The following L3MBTL4 variants were observed in gnomAD, a reference collection of about 807,000 sequenced individuals.
L3MBTL4 encodes lethal(3)malignant brain tumor-like protein 4.
Under a neutral mutation model 84.5 loss-of-function variants are expected in L3MBTL4, and 70 were observed. The ratio of observed to expected loss-of-function variants is 0.83; its 90% CI spans 0.68 to 1.01. L3MBTL4 has a LOEUF of 1.01. Among genes scored for constraint, L3MBTL4 ranks in the 50% least tolerant of loss-of-function variants. The pLI is 0.00. For missense variants in L3MBTL4, 715 were observed against 754.8 expected, an observed-to-expected ratio of 0.95 and a Z score of 0.62; for synonymous variants, 274 against 259.8, an observed-to-expected ratio of 1.05 and a Z score of -0.52.
chr18:6,206,718 A>T (rs8084824), intron 12 of L3MBTL4, among the ~76,000 whole-genome samples: 9,588 of 152,198 alleles, frequency 0.063, 1,019 homozygotes, highest in African/African-American at 0.22. Context: ...ACCAAATAAA[A>T]AGAGGGTTAT....
chr18:6,151,244 G>T (rs1163425350), intron 13 of L3MBTL4, among the ~76,000 whole-genome samples: 2 of 152,118 alleles, frequency 1.3e-5, no homozygotes, highest in Non-Finnish European at 2.9e-5. Context: ...CAAAATAAAG[G>T]TTTATGTGGT....
chr18:6,248,504 A>G (rs573930942), intron 5 of L3MBTL4, among the ~76,000 whole-genome samples: 2 of 152,342 alleles, frequency 1.3e-5, no homozygotes, highest in East Asian at 3.9e-4. Context: ...AAAATTAGCA[A>G]AAGTTACTCA....
chr18:6,174,099 G>A (rs1178368790), intron 12 of L3MBTL4, among the ~76,000 whole-genome samples: 2 of 149,826 alleles, frequency 1.3e-5, no homozygotes, highest in Admixed American at 1.3e-4. Flanking sequence ...TTAGCCAGAT[G>A]AAGAATTACC....
chr18:5,964,282 G>A (rs1392589062), intron 17 of L3MBTL4, among the ~76,000 whole-genome samples: 1 of 152,242 alleles, frequency 6.6e-6, no homozygotes, highest in Non-Finnish European at 1.5e-5. Context: ...AGCCCATCCT[G>A]CCAGCCGACC....
chr18:6,216,784 T>C (rs2046345170), intron 10 of L3MBTL4, among the ~76,000 whole-genome samples: 1 of 152,172 alleles, frequency 6.6e-6, no homozygotes, highest in African/African-American at 2.4e-5. Flanking sequence ...TCCTTAAATA[T>C]TTATTTGAGA....
intron 10 of L3MBTL4, among the ~76,000 whole-genome samples, chr18:6,225,768 A>G (rs1335485811): frequency 6.6e-6 from 1 of 151,862 alleles, no homozygotes; most frequent in Non-Finnish European, 1.5e-5. Flanking sequence ...TAAGGGGAAC[A>G]TAGGAACTAC....
At chr18:6,121,724 G>A (rs1178295997) in intron 14 of L3MBTL4, among the ~76,000 whole-genome samples, 2 of 146,882 alleles carry the variant, frequency 1.4e-5, no homozygotes, top group East Asian at 2.1e-4. Flanking sequence ...GTGTGTATGT[G>A]TGTGTGCATG....
chr18:6,154,267 A>G (rs7242764), intron 13 of L3MBTL4, among the ~76,000 whole-genome samples: 2,006 of 152,300 alleles, frequency 0.013, 44 homozygotes, highest in African/African-American at 0.045. Context: ...CAAAATTTTT[A>G]TATGTTTATG....
intron 7 of L3MBTL4, 121 bp downstream of exon 7, chr18:6,243,173 A>G (rs2047521157): frequency 3.5e-6 from 3 of 856,444 alleles, no homozygotes; most frequent in East Asian, 2.9e-5. Context: ...ATGGAACACA[A>G]TTTCATTTTG....
intron 16 of L3MBTL4, among the ~76,000 whole-genome samples, chr18:5,990,065 C>T (rs2053623398): frequency 1.3e-5 from 2 of 152,178 alleles, no homozygotes; most frequent in East Asian, 1.9e-4. Flanking sequence ...AGGCTCAAAA[C>T]GAGGCCTCTG....
At chr18:6,324,072 T>C (rs1432149685) in intron 1 of L3MBTL4, among the ~76,000 whole-genome samples, 1 of 152,002 alleles carries the variant, frequency 6.6e-6, no homozygotes, top group Non-Finnish European at 1.5e-5. Context: ...CATATACAGC[T>C]TGTGCCACTA....
At chr18:5,968,586 A>T (rs2144779645) in intron 17 of L3MBTL4, among the ~76,000 whole-genome samples, 1 of 152,144 alleles carries the variant, frequency 6.6e-6, no homozygotes, top group South Asian at 2.1e-4. Flanking sequence ...AGTCCTAGCT[A>T]CTCAGGAGGT....
At chr18:6,062,366 G>A (rs1220365159) in intron 16 of L3MBTL4, among the ~76,000 whole-genome samples, 2 of 151,844 alleles carry the variant, frequency 1.3e-5, no homozygotes, top group Admixed American at 1.3e-4. Context: ...CTCCTCTATG[G>A]GTAAGGTGAT....
intron 16 of L3MBTL4, among the ~76,000 whole-genome samples, chr18:6,022,378 G>A (rs945808605): frequency 6.6e-6 from 1 of 152,076 alleles, no homozygotes; most frequent in Non-Finnish European, 1.5e-5. Context: ...CTCTGACCAC[G>A]TGCCTTATCT....
intron 16 of L3MBTL4, among the ~76,000 whole-genome samples, chr18:6,057,782 C>T (rs753556646): frequency 4.6e-5 from 7 of 152,194 alleles, no homozygotes; most frequent in Non-Finnish European, 7.3e-5. Context: ...AAATGATACA[C>T]GGTGTACCCC....
At chr18:5,991,476 T>G (rs2053696360) in intron 16 of L3MBTL4, among the ~76,000 whole-genome samples, 2 of 152,284 alleles carry the variant, frequency 1.3e-5, no homozygotes, top group African/African-American at 4.8e-5. Context: ...TCCCATCAAG[T>G]CACATGGCAG....
At chr18:6,102,915 C>G (rs1446477226) in intron 14 of L3MBTL4, among the ~76,000 whole-genome samples, 1 of 152,110 alleles carries the variant, frequency 6.6e-6, no homozygotes, top group Non-Finnish European at 1.5e-5. Context: ...GGAAAAAATG[C>G]ATTAAGAGTG....
At position 6,171,916 on chromosome 18, in the gene L3MBTL4, C is replaced by T. The variant is rs1453436524; in HGVS notation, c.1008G>A (p.Lys336=). Residue 336 remains lysine, a synonymous_variant, in exon 13 of 19, where the codon AAG becomes AAA. Coordinates refer to ENST00000317931, the MANE Select transcript of L3MBTL4 (RefSeq NM_001330559.2). ...VKVHFDGWDH[K]YDYWVEADSP... is the part of the protein sequence containing the mutation. ...TGTCTGCCTCCACCCAGTAGTCATA[C>T]TTATGGTCCCAACCATCAAAATGAA... 1 of 1,553,934 alleles carries T rather than the reference C, an allele frequency of 6.4e-7. No individual in the cohort carries two copies. The highest frequency in any genetic ancestry group is 1.4e-5 in the African/African-American group (1 of 73,482).
chr18:6,266,934 A>AAAT lies in L3MBTL4; in HGVS notation c.128-2899_128-2897dup, dbSNP rs545663526. ...TGAAACTCCGTCTCAGAAAAAAATAAAATAATAATAATAATAATAGTAATA... is the reference window on the plus strand; with the variant it reads ...TGAAACTCCGTCTCAGAAAAAAATAAAATAATAATAATAATAATAATAGTAATA... On this transcript the variant is annotated intron_variant, in intron 4 of 18. Transcript: ENST00000317931. Among the ~76,000 whole-genome samples, 481 of 151,526 alleles carry AAAT rather than the reference A, an allele frequency of 3.2e-3. 3 individuals carry two copies. Among genetic ancestry groups the AAAT allele is most frequent in the African/African-American group, 0.011 (462 of 41,244 alleles).
Sources: gnomAD v4.1 joint callset for allele counts (sites outside exome capture counted in the v4.1 genomes callset) on GRCh38, gnomAD v4.1.1 for gene constraint, MANE v1.5 for transcripts, NCBI Gene and HGNC (gene_info 2026-07-23, HGNC 2026-07-21) for gene names.